Variants in ATRNL1 observed in about 807,000 individuals in gnomAD.
ATRNL1 encodes the protein attractin like 1, also known as attractin-like protein 1.
In ATRNL1, 95 loss-of-function variants were observed where a neutral mutation model predicts 182.7. That is an observed-to-expected ratio of 0.52 (90% CI 0.44 to 0.62). The LOEUF (loss-of-function observed/expected upper bound fraction) is 0.62, where lower values mean the gene tolerates loss of function less well. Among genes scored for constraint, ATRNL1 ranks in the 20% least tolerant of loss-of-function variants. The pLI is 0.00. For missense variants in ATRNL1, 1,471 were observed against 1,679.5 expected (o/e 0.88, Z 2.17); for synonymous variants, 576 against 568.3 (o/e 1.01, Z -0.19).
At chr10:115,795,866 G>T (rs899497451) in intron 27 of ATRNL1, among the ~76,000 whole-genome samples, 1 of 152,058 alleles carries the variant, frequency 6.6e-6, no homozygotes, top group Non-Finnish European at 1.5e-5. Flanking sequence ...CGTGAGATTT[G>T]GGTGGGGACA....
intron 26 of ATRNL1, among the ~76,000 whole-genome samples, chr10:115,572,541 G>A (rs1854460326): frequency 6.6e-6 from 1 of 152,134 alleles, no homozygotes; most frequent in African/African-American, 2.4e-5. Flanking sequence ...AGACAAAAAT[G>A]TGAGGGAAGT....
chr10:115,402,646 A>G (rs1181507076), intron 20 of ATRNL1, among the ~76,000 whole-genome samples: 1 of 152,222 alleles, frequency 6.6e-6, no homozygotes, highest in Non-Finnish European at 1.5e-5. Flanking sequence ...CTCTGTTCAC[A>G]GTAAATTGAA....
At chr10:115,797,057 C>G (rs782335764) in intron 27 of ATRNL1, among the ~76,000 whole-genome samples, 2 of 152,050 alleles carry the variant, frequency 1.3e-5, no homozygotes, top group African/African-American at 4.8e-5. Flanking sequence ...TGGACTGAAG[C>G]ATTACATAGG....
chr10:115,722,235 G>A (rs57415821), intron 26 of ATRNL1, among the ~76,000 whole-genome samples: 7,551 of 148,426 alleles, frequency 0.051, 553 homozygotes, highest in African/African-American at 0.17. Context: ...GCATATTGCC[G>A]GCAGGTCAAA....
chr10:115,284,581 G>A (rs1379629658), intron 14 of ATRNL1, among the ~76,000 whole-genome samples: 1 of 152,128 alleles, frequency 6.6e-6, no homozygotes, highest in Non-Finnish European at 1.5e-5. Context: ...AATCCTTAGA[G>A]CAGCAACCGT....
At chr10:115,198,212 A>T (rs1415760690) in intron 8 of ATRNL1, among the ~76,000 whole-genome samples, 1 of 152,060 alleles carries the variant, frequency 6.6e-6, no homozygotes, top group Non-Finnish European at 1.5e-5. Context: ...ATTCTAACAG[A>T]TGTGAAATGA....
At chr10:115,743,106 C>A (rs1948185543) in intron 27 of ATRNL1, among the ~76,000 whole-genome samples, 1 of 151,926 alleles carries the variant, frequency 6.6e-6, no homozygotes, top group African/African-American at 2.4e-5. Context: ...TAGAGGTAAC[C>A]ACTCCATGAT....
Position 115,898,757 on chromosome 10 carries a change from G to T in ATRNL1, c.4019-45901G>T, listed in dbSNP as rs553003339. 8.5e-5 allele frequency among the ~76,000 whole-genome samples: 13 copies of T among 152,294 alleles called. No homozygotes were observed. The East Asian group carries it at 2.5e-3, about 29-fold the overall frequency. ...ATGAATGACGAACCCCTGATATGTT[G>T]TGTAGTTATAAGTCACCAAAACTGT... On this transcript the variant is annotated intron_variant, in intron 28 of 28. Transcript: ENST00000355044.
chr10:115,370,221 G>T (rs1408245108), intron 19 of ATRNL1, among the ~76,000 whole-genome samples: 1 of 152,186 alleles, frequency 6.6e-6, no homozygotes, highest in Non-Finnish European at 1.5e-5. Flanking sequence ...GTCTCAGTAT[G>T]TCTTTATCGG....
At chr10:115,828,184 G>A (rs1306386366) in intron 27 of ATRNL1, among the ~76,000 whole-genome samples, 12 of 152,140 alleles carry the variant, frequency 7.9e-5, no homozygotes, top group Non-Finnish European at 1.0e-4. Context: ...AGGCGTGGTG[G>A]CGCATGCCTG....
intron 10 of ATRNL1, among the ~76,000 whole-genome samples, chr10:115,254,321 T>C (rs1376035203): frequency 2.6e-5 from 4 of 152,298 alleles, no homozygotes; most frequent in African/African-American, 7.2e-5. Flanking sequence ...TTTTAATGAT[T>C]GCCATTCTAA....
At position 115,511,088 on chromosome 10, in the gene ATRNL1, T is replaced by A. The variant is rs147440054; in HGVS notation, c.3655-8175T>A. On this transcript the variant is annotated intron_variant, in intron 24 of 28. Coordinates refer to ENST00000355044, the MANE Select transcript of ATRNL1 (RefSeq NM_207303.4). ...TACTTATGCAGAGCTGTCTGGTATA[T>A]TTATTCCTCATGTTTTATTCCAGAA... Among the ~76,000 whole-genome samples the A allele has an allele frequency of 2.2e-4, 33 of 152,130 alleles. 1 individual carries two copies. In the East Asian group the frequency reaches 6.4e-3, roughly 29 times the overall value.
intron 26 of ATRNL1, among the ~76,000 whole-genome samples, chr10:115,698,722 G>A (rs1224861756): frequency 6.6e-5 from 10 of 151,670 alleles, no homozygotes; most frequent in African/African-American, 1.9e-4. Context: ...AGGTTGCAGT[G>A]AGCTGAGATG....
At chr10:115,369,294 G>C (rs1303085950) in intron 19 of ATRNL1, among the ~76,000 whole-genome samples, 1 of 150,378 alleles carries the variant, frequency 6.6e-6, no homozygotes, top group Non-Finnish European at 1.5e-5. Flanking sequence ...GAAGGGGATT[G>C]GGGTTCTGTG....
At chr10:115,321,994 A>G (rs1470950656) in intron 18 of ATRNL1, among the ~76,000 whole-genome samples, 1 of 152,132 alleles carries the variant, frequency 6.6e-6, no homozygotes, top group Non-Finnish European at 1.5e-5. Context: ...AAGGAAATCA[A>G]GAAGGTAATA....
At chr10:115,577,512 G>T (rs1555005711) in intron 26 of ATRNL1, among the ~76,000 whole-genome samples, 2 of 151,348 alleles carry the variant, frequency 1.3e-5, no homozygotes, top group East Asian at 1.9e-4. Flanking sequence ...TCTTAATTGT[G>T]TATCTAATAG....
At chr10:115,676,536 T>A (rs2133940119) in intron 26 of ATRNL1, among the ~76,000 whole-genome samples, 1 of 151,908 alleles carries the variant, frequency 6.6e-6, no homozygotes, top group African/African-American at 2.4e-5. Context: ...GACTGAGATC[T>A]CTGTCTATGT....
rs574009687 is a variant in ATRNL1 at position 115,705,259 on chromosome 10, A to G, written c.3796-21989A>G. ...CTAAAAATACTGTCTGTATGCTTCT[A>G]TTTTTCAAGCACAAGTACACATTAT... On this transcript the variant is annotated intron_variant, in intron 26 of 28. Transcript: ENST00000355044. Among the ~76,000 whole-genome samples the G allele has an allele frequency of 2.0e-5, 3 of 151,968 alleles. 1 individual carries two copies. Among genetic ancestry groups the G allele is most frequent in the South Asian group, 4.1e-4 (2 of 4,822 alleles).
At chr10:115,704,641 C>CT (rs1565303227) in intron 26 of ATRNL1, among the ~76,000 whole-genome samples, 2 of 151,518 alleles carry the variant, frequency 1.3e-5, no homozygotes. Flanking sequence ...AATTTTTAAG[C>CT]TAAAAAATGA....
Sources: gnomAD v4.1 joint callset for allele counts (sites outside exome capture counted in the v4.1 genomes callset) on GRCh38, gnomAD v4.1.1 for gene constraint, MANE v1.5 for transcripts, NCBI Gene and HGNC (gene_info 2026-07-23, HGNC 2026-07-21) for gene names.